ELMO1: variants seen among roughly 807,000 people sequenced by gnomAD.
ELMO1 encodes the protein engulfment and cell motility 1.
In ELMO1, 26 loss-of-function variants were observed where a neutral mutation model predicts 98.9. The observed-to-expected ratio is 0.26, with a 90% CI of 0.19 to 0.36. The LOEUF is 0.36. ELMO1 is among the 10% of genes least tolerant of loss of function. ELMO1 has a pLI of 1.00. For missense variants in ELMO1, 627 were observed against 935.2 expected (o/e 0.67, Z 4.30); for synonymous variants, 346 against 346.0 (o/e 1.00, Z 0.00).
intron 15 of ELMO1, among the ~76,000 whole-genome samples, chr7:37,073,050 C>T (rs1028761204): frequency 6.6e-6 from 1 of 152,216 alleles, no homozygotes; most frequent in East Asian, 1.9e-4. Context: ...TACATGCCCA[C>T]TGACTAGCAA....
intron 1 of ELMO1, among the ~76,000 whole-genome samples, chr7:37,422,893 C>A (rs2131538331): frequency 6.6e-6 from 1 of 152,332 alleles, no homozygotes; most frequent in South Asian, 2.1e-4. Flanking sequence ...CAAAAGCTAC[C>A]ATTTATTGGC....
At chr7:36,908,987 C>T (rs1463486434) in intron 16 of ELMO1, among the ~76,000 whole-genome samples, 1 of 151,892 alleles carries the variant, frequency 6.6e-6, no homozygotes, top group Non-Finnish European at 1.5e-5. Context: ...TTTTCAGTTG[C>T]AGAAAACAAG....
chr7:37,429,286 C>A (rs28628397), intron 1 of ELMO1: 27,003 of 151,960 alleles, frequency 0.18, 2,931 homozygotes, highest in South Asian at 0.35. Context: ...TCCCCACTCA[C>A]CTCCTTCAGT....
At chr7:37,244,502 G>T in intron 6 of ELMO1, 111 bp from the exon 7 acceptor site, 1 of 1,063,016 alleles carries the variant, frequency 9.4e-7, no homozygotes. Context: ...AGATTTAACT[G>T]CCATGAAGTA....
Position 37,206,474 on chromosome 7 carries a change from T to C in ELMO1, c.1086+4912A>G, listed in dbSNP as rs1792626661. Among the ~76,000 whole-genome samples the C allele has an allele frequency of 2.6e-5, 4 of 152,342 alleles. No individual in the cohort carries two copies. The South Asian group carries it at 8.3e-4, about 32-fold the overall frequency. ...GACGCTTCCTTCCGTAGTATTAGGA[T>C]GGGGACAGAGATAGAGAAGGAAAAA... On this transcript the variant is annotated intron_variant, in intron 13 of 21. Transcript: ENST00000310758.
intron 14 of ELMO1, among the ~76,000 whole-genome samples, chr7:37,100,074 A>G (rs960021317): frequency 6.6e-6 from 1 of 152,062 alleles, no homozygotes; most frequent in African/African-American, 2.4e-5. Flanking sequence ...ACCTCAGGTG[A>G]TCCCTCTCCA....
intron 16 of ELMO1, among the ~76,000 whole-genome samples, chr7:36,974,306 G>A (rs570984765): frequency 6.6e-5 from 10 of 152,104 alleles, no homozygotes; most frequent in South Asian, 4.1e-4. Flanking sequence ...TGCACCAATC[G>A]ACACTCTGTA....
At chr7:37,220,927 G>C (rs1435218290) in intron 10 of ELMO1, among the ~76,000 whole-genome samples, 1 of 152,210 alleles carries the variant, frequency 6.6e-6, no homozygotes, top group Non-Finnish European at 1.5e-5. Flanking sequence ...CTGGCCAGCA[G>C]AAGGACCCCG....
intron 1 of ELMO1, among the ~76,000 whole-genome samples, chr7:37,406,350 T>G (rs907436910): frequency 6.6e-6 from 1 of 151,670 alleles, no homozygotes; most frequent in East Asian, 1.9e-4. Context: ...CTGAACTCAG[T>G]AGCCACAACA....
chr7:37,168,881 G>A (rs1455040114), intron 13 of ELMO1, among the ~76,000 whole-genome samples: 1 of 151,954 alleles, frequency 6.6e-6, no homozygotes, highest in Non-Finnish European at 1.5e-5. Context: ...TGTCACGCAG[G>A]GACATTTAAG....
intron 16 of ELMO1, among the ~76,000 whole-genome samples, chr7:36,919,615 G>A (rs1486331761): frequency 1.3e-5 from 2 of 152,186 alleles, no homozygotes; most frequent in Non-Finnish European, 2.9e-5. Context: ...CCTGGCAACT[G>A]TGGAAGGGAG....
At chr7:37,094,471 C>A (rs902258576) in intron 15 of ELMO1, among the ~76,000 whole-genome samples, 3 of 152,138 alleles carry the variant, frequency 2.0e-5, no homozygotes, top group Non-Finnish European at 4.4e-5. Flanking sequence ...AAGCTCTATC[C>A]CCTATTCTGT....
chr7:37,231,074 T>C (rs1563091658), intron 8 of ELMO1, among the ~76,000 whole-genome samples: 2 of 152,176 alleles, frequency 1.3e-5, no homozygotes, highest in Admixed American at 6.5e-5. Context: ...GCCTCTTCCT[T>C]TTCTGTGTGT....
At position 37,242,770 on chromosome 7, in the gene ELMO1, C is replaced by T. The variant is rs536094990; in HGVS notation, c.449+1586G>A. The stretch of plus-strand genomic sequence containing the variant: ...GGAGTCTCCTACTCTCTGAGCTTCT[C>T]GTCTTTCATAGATTCCCTCTAATTA... On this transcript the variant is annotated intron_variant, in intron 7 of 21. Transcript: ENST00000310758. Among the ~76,000 whole-genome samples the T allele has an allele frequency of 1.1e-4, 16 of 152,306 alleles. No individual in the cohort carries two copies. The South Asian group carries it at 1.2e-3, about 12-fold the overall frequency.
Position 37,248,063 on chromosome 7 carries a change from C to T in ELMO1, c.414-3672G>A, listed in dbSNP as rs1795110269. Among the ~76,000 whole-genome samples the T allele has an allele frequency of 2.6e-5, 4 of 152,098 alleles. 1 individual carries two copies. The South Asian group carries it at 8.3e-4, about 31-fold the overall frequency. ...GAGCTCTCCCTGACCAGAGCACAGA[C>T]ATAACTCAGTGCTGAGTCACAGTGC... On this transcript the variant is annotated intron_variant, in intron 6 of 21. Transcript: ENST00000310758.
At chr7:37,228,546 T>C (rs1405232507) in intron 8 of ELMO1, among the ~76,000 whole-genome samples, 1 of 152,220 alleles carries the variant, frequency 6.6e-6, no homozygotes, top group Non-Finnish European at 1.5e-5. Context: ...TAGCTCCTTG[T>C]ACTGCTCATT....
At chr7:37,327,235 ATTCAGGCCTTATGGTCTGCTTACC>A (rs1470129080) in intron 2 of ELMO1, among the ~76,000 whole-genome samples, 3 of 152,256 alleles carry the variant, frequency 2.0e-5, no homozygotes, top group Non-Finnish European at 4.4e-5. Context: ...GGGAGAATCA[ATTCAGGCCTTATGGTCTGCTTACC>A]TTCACCCATG....
chr7:37,207,516 A>G (rs1019021465), intron 13 of ELMO1, among the ~76,000 whole-genome samples: 3 of 152,040 alleles, frequency 2.0e-5, no homozygotes, highest in Non-Finnish European at 4.4e-5. Context: ...GCACCACTGC[A>G]CTCCAGCCTG....
chr7:36,968,499 G>C (rs554263386), intron 16 of ELMO1, among the ~76,000 whole-genome samples: 1 of 152,140 alleles, frequency 6.6e-6, no homozygotes, highest in Non-Finnish European at 1.5e-5. Flanking sequence ...GCAGGCATGC[G>C]TGTCTGGGTG....
Sources: gnomAD v4.1 joint callset for allele counts (sites outside exome capture counted in the v4.1 genomes callset) on GRCh38, gnomAD v4.1.1 for gene constraint, MANE v1.5 for transcripts, NCBI Gene and HGNC (gene_info 2026-07-23, HGNC 2026-07-21) for gene names.